The following DNAH17 variants were observed in gnomAD, a reference collection of about 807,000 sequenced individuals.
DNAH17 encodes axonemal beta dynein heavy chain 17.
In DNAH17, 376 loss-of-function variants were observed where a neutral mutation model predicts 485.6. The observed-to-expected ratio is 0.77, with a 90% CI of 0.71 to 0.84. The LOEUF is 0.84. DNAH17 is among the 40% of genes least tolerant of loss of function. The probability of loss-of-function intolerance (pLI) is 0.00; values close to 1 mark genes in which losing one functional copy is unlikely to be tolerated. For synonymous variants in DNAH17, 3,031 were observed against 2,405.9 expected (o/e 1.26, Z -7.60); for missense variants, 6,370 against 5,839.3 (o/e 1.09, Z -2.96).
At chr17:78,434,424 G>A (rs909922433) in intron 74 of DNAH17, among the ~76,000 whole-genome samples, 4 of 152,174 alleles carry the variant, frequency 2.6e-5, no homozygotes, top group Admixed American at 2.0e-4. Flanking sequence ...CGATCTTCTT[G>A]TTCCTTTCAG....
intron 26 of DNAH17, among the ~76,000 whole-genome samples, chr17:78,512,963 A>T (rs1275560061): frequency 1.4e-5 from 2 of 139,428 alleles, no homozygotes; most frequent in East Asian, 2.2e-4. Context: ...AAAAAAAAAA[A>T]AGAATTAATG....
chr17:78,428,810 C>T, intron 76 of DNAH17, 103 bp from the exon 77 acceptor site: 1 of 1,374,802 alleles, frequency 7.3e-7, no homozygotes, highest in Non-Finnish European at 1.0e-6. Context: ...CCACACCTTG[C>T]TGTCTGTACA....
At position 78,569,254 on chromosome 17, in the gene DNAH17, T is replaced by C. The variant is rs770744375; in HGVS notation, c.1198-2A>G. 3 of 1,604,158 alleles carry C rather than the reference T, an allele frequency of 1.9e-6. No homozygotes were observed. The highest frequency in any genetic ancestry group is 1.7e-6 in the Non-Finnish European group (2 of 1,175,256). On this transcript the variant is annotated splice_acceptor_variant, in intron 8 of 80. Transcript: ENST00000389840. LOFTEE classifies it high-confidence loss of function. The stretch of plus-strand genomic sequence containing the variant: ...TTCCCAAGGCACGGGCTCTTTGTCC[T>C]TAGAGGAGAGAAAGAGAGATGAGGC...
At position 78,558,106 on chromosome 17, in the gene DNAH17, A is replaced by T. The variant is rs748225046; in HGVS notation, c.2178+2T>A. 7 of 1,611,916 alleles carry T rather than the reference A, an allele frequency of 4.3e-6. No homozygotes were observed. Among genetic ancestry groups the T allele is most frequent in the Non-Finnish European group, 5.9e-6 (7 of 1,179,222 alleles). On this transcript the variant is annotated splice_donor_variant, in intron 14 of 80. Coordinates refer to ENST00000389840, the MANE Select transcript of DNAH17 (RefSeq NM_173628.4). LOFTEE classifies it high-confidence loss of function. ...AGGAATAGTACCGACTCACCAACTCACCTCATTATACCAGCCAACGATGAG... is the reference window on the plus strand; with the variant it reads ...AGGAATAGTACCGACTCACCAACTCTCCTCATTATACCAGCCAACGATGAG...
intron 75 of DNAH17, among the ~76,000 whole-genome samples, chr17:78,433,290 C>G (rs1055264093): frequency 3.9e-5 from 6 of 152,174 alleles, no homozygotes; most frequent in African/African-American, 1.2e-4. Flanking sequence ...CTTAGGAGAC[C>G]GTAGATGGGG....
intron 20 of DNAH17, among the ~76,000 whole-genome samples, chr17:78,532,133 G>A (rs1019360636): frequency 2.6e-5 from 4 of 152,164 alleles, no homozygotes; most frequent in Non-Finnish European, 5.9e-5. Flanking sequence ...CCTAGAGCCT[G>A]CTGAAATTAT....
chr17:78,510,175 C>T (rs969992643), intron 27 of DNAH17, among the ~76,000 whole-genome samples: 5 of 152,178 alleles, frequency 3.3e-5, no homozygotes, highest in African/African-American at 1.2e-4. Flanking sequence ...GAGAGAGACT[C>T]TGTCTCAAAA....
intron 73 of DNAH17, among the ~76,000 whole-genome samples, chr17:78,438,486 G>A (rs1442265519): frequency 1.6e-5 from 2 of 125,042 alleles, no homozygotes; most frequent in Admixed American, 8.2e-5. Flanking sequence ...TGTCAACCCA[G>A]CACTTGTCAT....
intron 26 of DNAH17, among the ~76,000 whole-genome samples, chr17:78,512,868 G>C (rs894698169): frequency 6.6e-6 from 1 of 151,092 alleles, no homozygotes; most frequent in African/African-American, 2.4e-5. Context: ...TTGAACCTGG[G>C]AGGTGGAGGT....
At chr17:78,538,093 T>G (rs1004419418) in intron 18 of DNAH17, among the ~76,000 whole-genome samples, 1 of 145,448 alleles carries the variant, frequency 6.9e-6, no homozygotes, top group Non-Finnish European at 1.5e-5. Context: ...TGAGCTGAGA[T>G]TGTGCCATTG....
chr17:78,564,610 G>A (rs901641386), intron 11 of DNAH17, among the ~76,000 whole-genome samples: 7 of 152,060 alleles, frequency 4.6e-5, no homozygotes, highest in South Asian at 2.1e-4. Context: ...GGGGCTCCAC[G>A]TGGAAGGCTT....
chr17:78,528,634 G>T (rs543450475), intron 22 of DNAH17, among the ~76,000 whole-genome samples: 149 of 152,204 alleles, frequency 9.8e-4, no homozygotes, highest in Non-Finnish European at 1.7e-3. Context: ...CTCCAGGCCA[G>T]ACTCAAGAGA....
intron 17 of DNAH17, 128 bp downstream of exon 17, chr17:78,543,729 C>G (rs2091669484): frequency 7.0e-7 from 1 of 1,433,230 alleles, no homozygotes; most frequent in African/African-American, 1.4e-5. Flanking sequence ...CCAGCCAGGT[C>G]ACAGACTTCT....
At position 78,507,496 on chromosome 17, in the gene DNAH17, C is replaced by A; in HGVS notation, c.4546G>T (p.Asp1516Tyr). Residue 1516 changes from aspartate (D) to tyrosine (Y), a missense_variant, in exon 28 of 81, where the codon GAC becomes TAC. Coordinates refer to ENST00000389840, the MANE Select transcript of DNAH17 (RefSeq NM_173628.4). ...TTGATGTCGTCAAAGCGCTGGGAGT[C>A]CCCCGGGAGCTGGGTGCGGATGTCT... ...SEDIRTQLPG[D>Y]SQRFDDINQE... The A allele has an allele frequency of 6.2e-7, 1 of 1,612,958 alleles. No individual in the cohort carries two copies. The highest frequency in any genetic ancestry group is 8.5e-7 in the Non-Finnish European group (1 of 1,178,954).
chr17:78,570,478 G>C, intron 6 of DNAH17, 106 bp from the exon 7 acceptor site: 1 of 1,427,330 alleles, frequency 7.0e-7, no homozygotes, highest in Non-Finnish European at 9.3e-7. Context: ...ATCCAGCAGA[G>C]GGTTCCCAAA....
At chr17:78,504,071 A>T (rs1444938159) in intron 31 of DNAH17, among the ~76,000 whole-genome samples, 2 of 146,258 alleles carry the variant, frequency 1.4e-5, no homozygotes, top group African/African-American at 2.5e-5. Flanking sequence ...ATGAGGGTAG[A>T]TTTTTTTTTT....
At chr17:78,559,762 G>GC (rs1183869991) in intron 13 of DNAH17, among the ~76,000 whole-genome samples, 2 of 152,080 alleles carry the variant, frequency 1.3e-5, no homozygotes, top group African/African-American at 2.4e-5. Flanking sequence ...GGTCCATGGG[G>GC]CCCTTCCTCG....
At chr17:78,547,830 C>G (rs2091806118) in intron 16 of DNAH17, among the ~76,000 whole-genome samples, 1 of 151,826 alleles carries the variant, frequency 6.6e-6, no homozygotes, top group Non-Finnish European at 1.5e-5. Context: ...GTGGGCCAGG[C>G]TGGTCTTGAA....
intron 80 of DNAH17, 135 bp from the exon 81 acceptor site, chr17:78,424,288 C>T (rs990803232): frequency 1.3e-5 from 15 of 1,175,294 alleles, no homozygotes; most frequent in Non-Finnish European, 1.6e-5. Context: ...AGGCCAGCTG[C>T]CACGGCTGGA....
Sources: allele counts gnomAD v4.1 joint callset (sites outside exome capture counted in the v4.1 genomes callset), GRCh38; gene constraint gnomAD v4.1.1; transcripts MANE v1.5; gene names NCBI Gene and HGNC (gene_info 2026-07-23, HGNC 2026-07-21).